Variants in KIF19 observed in about 807,000 individuals in gnomAD.
KIF19 encodes the protein kinesin-like protein KIF19.
In KIF19, 98 loss-of-function variants were observed where a neutral mutation model predicts 106.6. The observed-to-expected ratio is 0.92, with a 90% CI of 0.78 to 1.09. KIF19 has a LOEUF of 1.09. Ranked by LOEUF, KIF19 falls within the 50% of genes least tolerant of loss-of-function variation. KIF19 has a pLI of 0.00. For synonymous variants in KIF19, 516 were observed against 584.2 expected (o/e 0.88, Z 1.68); for missense variants, 1,373 against 1,414.3 (o/e 0.97, Z 0.47).
chr17:74,352,435 G>T, intron 14 of KIF19, 95 bp downstream of exon 14: 1 of 1,439,840 alleles, frequency 6.9e-7, no homozygotes, highest in South Asian at 1.4e-5. Flanking sequence ...GAGGGGACAG[G>T]ACCAGGCTGG....
chr17:74,354,800 C>T lies in KIF19; in HGVS notation c.2725C>T (p.His909Tyr), dbSNP rs753473863. 1 of 1,558,734 alleles carries T rather than the reference C, an allele frequency of 6.4e-7. No individual in the cohort carries two copies. Among genetic ancestry groups the T allele is most frequent in the Non-Finnish European group, 8.7e-7 (1 of 1,151,314 alleles). ...TGQGLSHPKT[H>Y]LLGPHQAERI... The stretch of plus-strand genomic sequence containing the variant: ...ATCACAGCTCTCCCACCCCAAGACA[C>T]ACCTCCTGGGGCCCCATCAGGCGGA... Residue 909 changes from histidine to tyrosine, a missense_variant, in exon 19 of 20, where the codon CAC becomes TAC. His to Tyr is a moderately conservative substitution (Grantham distance 83, BLOSUM62 2). This residue lies in a region of KIF19 where 1,020 missense variants were observed against 1,008.2 expected (regional missense o/e 1.01). Coordinates refer to ENST00000389916, the MANE Select transcript of KIF19 (RefSeq NM_153209.4).
chr17:74,342,904 C>T, intron 4 of KIF19, 120 bp from the exon 5 acceptor site: 1 of 1,304,420 alleles, frequency 7.7e-7, no homozygotes. Context: ...TCCCCACCAC[C>T]TCCCTGGCCC....
chr17:74,327,040 G>A (rs2053934361), intron 1 of KIF19, among the ~76,000 whole-genome samples: 3 of 152,146 alleles, frequency 2.0e-5, no homozygotes, highest in Admixed American at 1.3e-4. Context: ...GTGGTGCCTG[G>A]GCCAGAGCAA....
In KIF19 at chr17:74,332,179, A is replaced by AGTGTGT. The variant is rs1270595840; in HGVS notation, c.120+3699_120+3704dup. On this transcript the variant is annotated intron_variant, in intron 2 of 19. Coordinates refer to ENST00000389916, the MANE Select transcript of KIF19 (RefSeq NM_153209.4). ...AGGACGGTTCCCAAATGAACACCTC[A>AGTGTGT]GTGTGTGTGTGTGTGTGTGTGTGTG... is the stretch of plus-strand genomic sequence containing the variant. 2.4e-3 allele frequency among the ~76,000 whole-genome samples: 277 copies of AGTGTGT among 117,770 alleles called. 3 individuals are homozygous for AGTGTGT. The highest frequency in any genetic ancestry group is 0.019 in the South Asian group (61 of 3,228). The allele number at this position is 117,770 out of a possible 152,430, so 77.3% of individuals were successfully genotyped here. A position where few individuals can be genotyped will look rare whatever the true frequency, so the allele number is the denominator to read the frequency against.
chr17:74,342,202 G>C (rs1474621792), intron 3 of KIF19, among the ~76,000 whole-genome samples: 1 of 152,188 alleles, frequency 6.6e-6, no homozygotes, highest in Non-Finnish European at 1.5e-5. Flanking sequence ...TTGGCACTCA[G>C]ACACCACCCT....
At chr17:74,329,507 G>T (rs780360332) in intron 2 of KIF19, 2 of 151,728 alleles carry the variant, frequency 1.3e-5, no homozygotes, top group Non-Finnish European at 2.9e-5. Flanking sequence ...AAAACATAAG[G>T]GGTGAAGAAG....
At chr17:74,344,995 G>T in intron 7 of KIF19, 40 bp downstream of exon 7, 2 of 1,548,450 alleles carry the variant, frequency 1.3e-6, no homozygotes, top group South Asian at 2.3e-5. Context: ...AGGGAGGGTT[G>T]ACCCAGGCAA....
chr17:74,336,596 C>T (rs1416524934), intron 2 of KIF19, among the ~76,000 whole-genome samples: 1 of 152,140 alleles, frequency 6.6e-6, no homozygotes, highest in Non-Finnish European at 1.5e-5. Context: ...CATGAAATCT[C>T]GGGGGGACAC....
In KIF19 at chr17:74,331,570, G is replaced by A. The variant is rs907764360; in HGVS notation, c.120+3065G>A. On this transcript the variant is annotated intron_variant, in intron 2 of 19. Coordinates refer to ENST00000389916, the MANE Select transcript of KIF19 (RefSeq NM_153209.4). This position sits in a 1 kb window ranked among gnomAD's most constrained non-coding sequence, Gnocchi z 4.1. Reference sequence around the variant, plus strand: ...TTGGATTCTGGGGAAGCTGGAGTTCGGATTTGGATTTTTTTTTTTTTCTTG... The same window carrying A: ...TTGGATTCTGGGGAAGCTGGAGTTCAGATTTGGATTTTTTTTTTTTTCTTG... Among the ~76,000 whole-genome samples, 2 of 138,676 alleles carry A rather than the reference G, an allele frequency of 1.4e-5. No individual in the cohort carries two copies. Among genetic ancestry groups the A allele is most frequent in the African/African-American group, 2.6e-5 (1 of 39,046 alleles). The allele number at this position is 138,676 out of a possible 152,430, so 91.0% of individuals were successfully genotyped here. A position where few individuals can be genotyped will look rare whatever the true frequency, so the allele number is the denominator to read the frequency against.
chr17:74,347,251 G>A (rs963320537), intron 8 of KIF19, among the ~76,000 whole-genome samples: 1 of 152,128 alleles, frequency 6.6e-6, no homozygotes, highest in Non-Finnish European at 1.5e-5. Context: ...TAAAAAGCAA[G>A]GAAAGCCGGG....
Position 74,350,731 on chromosome 17 carries a change from G to A in KIF19, c.1413G>A (p.Arg471=), listed in dbSNP as rs757338272. ...IAGWKHEKSR[R]ALKWREEQRK... ...GCTGGAAGCATGAGAAGTCCCGCCG[G>A]GCCCTCAAATGGCGGGAGGAGCAGC... Residue 471 remains arginine, a synonymous_variant, in exon 12 of 20, where the codon CGG becomes CGA. Coordinates refer to ENST00000389916, the MANE Select transcript of KIF19 (RefSeq NM_153209.4). 3.7e-6 allele frequency: 6 copies of A among 1,613,924 alleles called. No homozygotes were observed. Among genetic ancestry groups the A allele is most frequent in the Non-Finnish European group, 5.1e-6 (6 of 1,179,898 alleles).
chr17:74,351,031 G>T, intron 12 of KIF19, 126 bp downstream of exon 12: 1 of 918,972 alleles, frequency 1.1e-6, no homozygotes, highest in Non-Finnish European at 1.7e-6. Flanking sequence ...CACAAATCCT[G>T]TGTGACTTTG....
Position 74,352,332 on chromosome 17 carries a change from G to A in KIF19, c.1972G>A (p.Ala658Thr). The A allele has an allele frequency of 6.2e-7, 1 of 1,607,654 alleles. No homozygotes were observed. Among genetic ancestry groups the A allele is most frequent in the Non-Finnish European group, 8.5e-7 (1 of 1,177,786 alleles). Reference sequence around the variant, plus strand: ...CATCATGGACCAAGTGGCCTCCAGGGCCCTGCAGGTGGGTGGGCGCCTGGG... The same window carrying A: ...CATCATGGACCAAGTGGCCTCCAGGACCCTGCAGGTGGGTGGGCGCCTGGG... ...ATIMDQVASR[A>T]LQDSSLPKIT... The change falls in exon 14 of 20, where the codon GCC becomes ACC. Residue 658 changes from alanine to threonine, a missense_variant. Around this residue, in one of 3 missense-constraint regions of KIF19, gnomAD observed 1,020 missense variants for 1,008.2 expected, o/e 1.01. Coordinates refer to ENST00000389916, the MANE Select transcript of KIF19 (RefSeq NM_153209.4).
chr17:74,352,537 G>T (rs972337745), intron 14 of KIF19, among the ~76,000 whole-genome samples, 197 bp downstream of exon 14: 1 of 152,172 alleles, frequency 6.6e-6, no homozygotes, highest in Admixed American at 6.5e-5. Flanking sequence ...GGCACTCCTG[G>T]GCATCACTTG....
Position 74,326,308 on chromosome 17 carries a change from A to G in KIF19, c.-42A>G, listed in dbSNP as rs759066936. On this transcript the variant is annotated 5_prime_UTR_variant, in exon 1 of 20. An upstream start codon of the reference 5' UTR is lost. Coordinates refer to ENST00000389916, the MANE Select transcript of KIF19 (RefSeq NM_153209.4). ...GAGGCGGTGGGGGTGCGGCTGAGCC[A>G]TGCCCGGTGGCGCGGCCTGAGCCCC... 1.9e-5 allele frequency: 30 copies of G among 1,594,734 alleles called. No homozygotes were observed. The highest frequency in any genetic ancestry group is 2.5e-5 in the Non-Finnish European group (29 of 1,172,422).
At chr17:74,353,395 A>G in intron 16 of KIF19, 94 bp downstream of exon 16, 1 of 1,451,786 alleles carries the variant, frequency 6.9e-7, no homozygotes, top group Non-Finnish European at 9.5e-7. Flanking sequence ...ACCCTTTCCC[A>G]AACGGCACCA....
intron 4 of KIF19, 29 bp from the exon 5 acceptor site, chr17:74,342,995 C>G (rs749971599): frequency 1.3e-6 from 2 of 1,573,870 alleles, no homozygotes; most frequent in Non-Finnish European, 1.7e-6. Context: ...AGCCCCACCC[C>G]GGTCACCCTC....
intron 12 of KIF19, 80 bp from the exon 13 acceptor site, chr17:74,351,787 G>A (rs1598397926): frequency 7.4e-7 from 1 of 1,342,870 alleles, no homozygotes; most frequent in East Asian, 3.1e-5. Context: ...GAGTCCAGGC[G>A]CTGGAGGGTC....
rs373796045 is a variant in KIF19, at chr17:74,342,791, A to G, written c.319+74A>G. 7.0e-5 allele frequency: 99 copies of G among 1,422,420 alleles called. No individual in the cohort carries two copies. The African/African-American group carries it at 1.3e-3, about 19-fold the overall frequency. The allele number at this position is 1,422,420 out of a possible 1,614,324, so 88.1% of individuals were successfully genotyped here. On this transcript the variant is annotated intron_variant, in intron 4 of 19. Transcript: ENST00000389916. ...TCCCCGTCACCCTCCAACTAGTCTGACCCCAGCTGGAGCAGGAATCCAGGA... is the reference window on the plus strand; with the variant it reads ...TCCCCGTCACCCTCCAACTAGTCTGGCCCCAGCTGGAGCAGGAATCCAGGA...
Sources: allele counts gnomAD v4.1 joint callset (sites outside exome capture counted in the v4.1 genomes callset), GRCh38; gene constraint gnomAD v4.1.1; regional missense constraint gnomAD v4.1.1; non-coding constraint Gnocchi (gnomAD v3.1); transcripts MANE v1.5; gene names NCBI Gene and HGNC (gene_info 2026-07-23, HGNC 2026-07-21).